CLEC1A: variants seen among roughly 807,000 people sequenced by gnomAD.
CLEC1A encodes the protein C-type lectin domain family 1 member A.
Under a neutral mutation model 28.7 loss-of-function variants are expected in CLEC1A, and 34 were observed. The observed-to-expected ratio is 1.18, with a 90% CI of 0.90 to 1.57. CLEC1A has a LOEUF of 1.57. CLEC1A is among the 40% of genes most tolerant of loss of function. The probability of loss-of-function intolerance (pLI) is 0.00; values close to 1 mark genes in which losing one functional copy is unlikely to be tolerated. For synonymous variants in CLEC1A, 116 were observed against 121.0 expected (o/e 0.96, Z 0.27); for missense variants, 385 against 339.5 (o/e 1.13, Z -1.05).
chr12:10,079,077 A>G (rs1866312640), intron 3 of CLEC1A, among the ~76,000 whole-genome samples: 1 of 152,222 alleles, frequency 6.6e-6, no homozygotes, highest in Non-Finnish European at 1.5e-5. Flanking sequence ...ACTCCTTTAT[A>G]GCAACACAAA....
At chr12:10,084,794 C>G (rs1329933017) in intron 2 of CLEC1A, among the ~76,000 whole-genome samples, 2 of 127,928 alleles carry the variant, frequency 1.6e-5, no homozygotes, top group African/African-American at 5.7e-5. Context: ...TGCACTCCAG[C>G]CTAGGCGACA....
chr12:10,085,519 C>A (rs1200885932), intron 2 of CLEC1A, among the ~76,000 whole-genome samples: 2 of 119,526 alleles, frequency 1.7e-5, no homozygotes, highest in Non-Finnish European at 1.7e-5. Flanking sequence ...ACAAAACAGA[C>A]ATTAAAGCAA....
rs984649642 is a variant in CLEC1A at position 10,070,230 on chromosome 12, A to G, written c.*1103T>C. On this transcript the variant is annotated 3_prime_UTR_variant, in exon 6 of 6. Coordinates refer to ENST00000315330, the MANE Select transcript of CLEC1A (RefSeq NM_016511.4). ...ATGCAACTCAGCTTCCTCATCAACC[A>G]TGTGTTGATGCCATAAGCTCACCTC... 6.6e-6 allele frequency: 1 copy of G among 152,214 alleles called. No homozygotes were observed. The highest frequency in any genetic ancestry group is 2.4e-5 in the African/African-American group (1 of 41,456). The allele number at this position is 152,214 out of a possible 1,614,324, so 9.4% of individuals were successfully genotyped here. A position where few individuals can be genotyped will look rare whatever the true frequency, so the allele number is the denominator to read the frequency against.
chr12:10,071,207 A>G lies in CLEC1A; in HGVS notation c.*126T>C. 2.4e-6 allele frequency: 2 copies of G among 844,992 alleles called. No individual in the cohort carries two copies. Among genetic ancestry groups the G allele is most frequent in the Non-Finnish European group, 3.6e-6 (2 of 555,420 alleles). The allele number at this position is 844,992 out of a possible 1,614,324, so 52.3% of individuals were successfully genotyped here. On this transcript the variant is annotated 3_prime_UTR_variant, in exon 6 of 6. Coordinates refer to ENST00000315330, the MANE Select transcript of CLEC1A (RefSeq NM_016511.4). Reference sequence around the variant, plus strand: ...CTGGTGATCCTGAACAGGAAACACGAGAACCCATTTTGTACTAGTCAGAGA... The same window carrying G: ...CTGGTGATCCTGAACAGGAAACACGGGAACCCATTTTGTACTAGTCAGAGA...
At chr12:10,083,810 A>C (rs532774691) in intron 2 of CLEC1A, among the ~76,000 whole-genome samples, 2 of 152,266 alleles carry the variant, frequency 1.3e-5, no homozygotes, top group East Asian at 3.9e-4. Context: ...ATATGGATTT[A>C]AAAAATTATC....
intron 4 of CLEC1A, among the ~76,000 whole-genome samples, chr12:10,074,130 C>T (rs1264550739): frequency 6.6e-6 from 1 of 152,144 alleles, no homozygotes; most frequent in Non-Finnish European, 1.5e-5. Flanking sequence ...TCATAGCTCA[C>T]TGCAGCCTCA....
At chr12:10,079,895 G>A (rs1402589800) in intron 3 of CLEC1A, among the ~76,000 whole-genome samples, 6 of 151,984 alleles carry the variant, frequency 3.9e-5, no homozygotes, top group Non-Finnish European at 8.8e-5. Flanking sequence ...ATATTGCCTG[G>A]GCTGGTCTTG....
chr12:10,073,268 C>T (rs1363697954), intron 5 of CLEC1A, 25 bp downstream of exon 5: 5 of 1,530,544 alleles, frequency 3.3e-6, no homozygotes, highest in Non-Finnish European at 4.5e-6. Context: ...AAATGCCTTT[C>T]CCATAAAATA....
intron 3 of CLEC1A, among the ~76,000 whole-genome samples, chr12:10,078,394 C>T (rs1866298335): frequency 1.3e-5 from 2 of 152,100 alleles, no homozygotes; most frequent in African/African-American, 2.4e-5. Context: ...TCTTTTGTTT[C>T]CTGTTTTAAC....
chr12:10,090,993 G>T (rs1591920369), intron 1 of CLEC1A, among the ~76,000 whole-genome samples: 1 of 152,026 alleles, frequency 6.6e-6, no homozygotes, highest in Admixed American at 6.5e-5. Flanking sequence ...ACGGTCTCCC[G>T]TTTAGTCCTT....
At chr12:10,073,715 A>G (rs776584406) in intron 4 of CLEC1A, among the ~76,000 whole-genome samples, 28 of 152,230 alleles carry the variant, frequency 1.8e-4, no homozygotes, top group Non-Finnish European at 3.1e-4. Context: ...ATTAATGTTG[A>G]CATAAAAATA....
intron 1 of CLEC1A, among the ~76,000 whole-genome samples, chr12:10,091,045 A>C (rs1052007607): frequency 2.0e-5 from 3 of 152,112 alleles, no homozygotes; most frequent in African/African-American, 7.2e-5. Context: ...TATCAGCCCT[A>C]CTTCTGCCTC....
At chr12:10,078,897 A>G (rs998628346) in intron 3 of CLEC1A, among the ~76,000 whole-genome samples, 8 of 151,846 alleles carry the variant, frequency 5.3e-5, no homozygotes, top group African/African-American at 1.5e-4. Context: ...TCTCTCCCCA[A>G]TCTCTTGCCT....
chr12:10,095,487 T>C (rs1345667411), intron 1 of CLEC1A, among the ~76,000 whole-genome samples: 1 of 152,114 alleles, frequency 6.6e-6, no homozygotes, highest in Non-Finnish European at 1.5e-5. Flanking sequence ...AAAATCATTC[T>C]TAAAATCTGT....
At chr12:10,093,037 T>C (rs1448929278) in intron 1 of CLEC1A, among the ~76,000 whole-genome samples, 1 of 152,146 alleles carries the variant, frequency 6.6e-6, no homozygotes, top group Non-Finnish European at 1.5e-5. Flanking sequence ...TGACGGAAAG[T>C]CCATGAAACT....
At position 10,076,926 on chromosome 12, in the gene CLEC1A, T is replaced by C. The variant is rs146854844; in HGVS notation, c.392-1271A>G. On this transcript the variant is annotated intron_variant, in intron 3 of 5. Coordinates refer to ENST00000315330, the MANE Select transcript of CLEC1A (RefSeq NM_016511.4). ...CTCTGGATTCAATAAATAAAAACTA[T>C]GTAACTGCAATTTTGGTACAGTGTA... Among the ~76,000 whole-genome samples, 567 of 150,610 alleles carry C rather than the reference T, an allele frequency of 3.8e-3. 5 individuals carry two copies. The highest frequency in any genetic ancestry group is 0.013 in the African/African-American group (533 of 40,538).
rs770743986 is a variant in CLEC1A, at chr12:10,074,148, C to T, written c.544-737G>A. On this transcript the variant is annotated intron_variant, in intron 4 of 5. Coordinates refer to ENST00000315330, the MANE Select transcript of CLEC1A (RefSeq NM_016511.4). ...TAGCTCACTGCAGCCTCAACCTCCC[C>T]AGGCTCAGTGCACTCCTAATATTTT... Among the ~76,000 whole-genome samples, 68 of 152,084 alleles carry T rather than the reference C, an allele frequency of 4.5e-4. 1 individual carries two copies. Among genetic ancestry groups the T allele is most frequent in the Admixed American group, 1.8e-3 (28 of 15,274 alleles).
intron 2 of CLEC1A, 92 bp downstream of exon 2, chr12:10,089,032 T>G (rs1305491750): frequency 6.2e-6 from 6 of 964,432 alleles, no homozygotes; most frequent in Non-Finnish European, 8.2e-6. Flanking sequence ...GCTAAGGAAT[T>G]AAAGTTTAAA....
chr12:10,091,719 A>T (rs554131138), intron 1 of CLEC1A, among the ~76,000 whole-genome samples: 6 of 152,166 alleles, frequency 3.9e-5, no homozygotes, highest in African/African-American at 1.4e-4. Flanking sequence ...CCAAAACCCT[A>T]TATTTGTAAA....
Sources: gnomAD v4.1 joint callset for allele counts (sites outside exome capture counted in the v4.1 genomes callset) on GRCh38, gnomAD v4.1.1 for gene constraint, MANE v1.5 for transcripts, NCBI Gene and HGNC (gene_info 2026-07-23, HGNC 2026-07-21) for gene names.